The following NAALADL1 variants were observed in gnomAD, a reference collection of about 807,000 sequenced individuals.
NAALADL1 encodes aminopeptidase NAALADL1.
In NAALADL1, 77 loss-of-function variants were observed where a neutral mutation model predicts 82.8. The ratio of observed to expected loss-of-function variants is 0.93; its 90% confidence interval spans 0.77 to 1.12. The LOEUF (loss-of-function observed/expected upper bound fraction) is 1.12, where lower values mean the gene tolerates loss of function less well. Among genes scored for constraint, NAALADL1 ranks in the 50% most tolerant of loss-of-function variants. The pLI is 0.00. For missense variants in NAALADL1, 956 were observed against 964.0 expected, an observed-to-expected ratio of 0.99 and a Z score of 0.11; for synonymous variants, 358 against 399.2, an observed-to-expected ratio of 0.90 and a Z score of 1.23.
chr11:65,045,607 C>T, intron 17 of NAALADL1, 150 bp from the exon 18 acceptor site: 1 of 966,164 alleles, frequency 1.0e-6, no homozygotes, highest in East Asian at 2.6e-5. Context: ...GCTCTTACAG[C>T]AGTGGCGGTC....
At chr11:65,056,563 C>A (rs1947044468) in intron 4 of NAALADL1, among the ~76,000 whole-genome samples, 1 of 151,910 alleles carries the variant, frequency 6.6e-6, no homozygotes, top group Non-Finnish European at 1.5e-5. Context: ...CCACACCCAG[C>A]TAATTTTTGT....
chr11:65,053,151 G>A lies in NAALADL1; in HGVS notation c.1198+67C>T. The A allele has an allele frequency of 6.8e-7, 1 of 1,476,462 alleles. No individual in the cohort carries two copies. Among genetic ancestry groups the A allele is most frequent in the South Asian group, 1.4e-5 (1 of 73,672 alleles). 91.5% of individuals were successfully genotyped at this position (1,476,462 alleles called of 1,614,324 possible). A position where few individuals can be genotyped will look rare whatever the true frequency, so the allele number is the denominator to read the frequency against. On this transcript the variant is annotated intron_variant, in intron 8 of 17. Coordinates refer to ENST00000358658, the MANE Select transcript of NAALADL1 (RefSeq NM_005468.3). The surrounding 1 kb of genome is among the most constrained non-coding windows in gnomAD (Gnocchi z 4.3). ...AAGGAGCACTGCAGTGTGAGGGAGA[G>A]GAGGTGGAACAGGAAGGGGACCTCC...
Position 65,058,134 on chromosome 11 carries a change from G to C in NAALADL1, c.302C>G (p.Thr101Arg), listed in dbSNP as rs781309340. Reference sequence around the variant, plus strand: ...AGGGAAGGACAGCAGCACTTCGTACGTGGAGGCCTCGGCCGAGTCCAGGCC... The same window carrying C: ...AGGGAAGGACAGCAGCACTTCGTACCTGGAGGCCTCGGCCGAGTCCAGGCC... ...ESGLDSAEAS[T>R]YEVLLSFPSQ... Residue 101 changes from threonine (T) to arginine (R), a missense_variant, in exon 2 of 18, where the codon ACG becomes AGG. Thr to Arg is a moderately conservative substitution (Grantham distance 71, BLOSUM62 -1). Coordinates refer to ENST00000358658, the MANE Select transcript of NAALADL1 (RefSeq NM_005468.3). 1.2e-6 allele frequency: 2 copies of C among 1,613,736 alleles called. No homozygotes were observed. The highest frequency in any genetic ancestry group is 1.7e-6 in the Non-Finnish European group (2 of 1,179,862).
At chr11:65,058,574 T>A, upstream of NAALADL1, 1 of 1,462,410 alleles carries the variant, frequency 6.8e-7, no homozygotes, top group Non-Finnish European at 9.1e-7. Context: ...TTATTCCCTA[T>A]AGAGGGGGTG....
At chr11:65,051,298 C>G (rs1381225015) in intron 8 of NAALADL1, among the ~76,000 whole-genome samples, 2 of 141,536 alleles carry the variant, frequency 1.4e-5, no homozygotes, top group African/African-American at 5.3e-5. Context: ...TCAAGTCTCT[C>G]TCTCCTTTCT....
At chr11:65,057,279 C>T in intron 4 of NAALADL1, 92 bp downstream of exon 4, 1 of 1,462,694 alleles carries the variant, frequency 6.8e-7, no homozygotes, top group Non-Finnish European at 9.1e-7. Flanking sequence ...CTCAACACTG[C>T]CTCTTCTCCT....
intron 11 of NAALADL1, 36 bp from the exon 12 acceptor site, chr11:65,047,774 C>A (rs370284376): frequency 2.3e-5 from 36 of 1,556,620 alleles, no homozygotes; most frequent in Non-Finnish European, 3.0e-5. Flanking sequence ...GGTGCGCGGC[C>A]CTCCCCAGCC....
rs776165937 is a variant in NAALADL1 at position 65,054,737 on chromosome 11, G to A, written c.605C>T (p.Ala202Val). ...TACCCCGTGCTTGGCAGCGTTCACAGCCTGCAGTGGGCAGAGGAGGCTGTG... is the reference window on the plus strand; with the variant it reads ...TACCCCGTGCTTGGCAGCGTTCACAACCTGCAGTGGGCAGAGGAGGCTGTG... ...RYGGVGRGAK[A>V]VNAAKHGVAG... is the part of the protein sequence containing the mutation. The change falls in exon 5 of 18, where the codon GCT becomes GTT. Residue 202 changes from alanine to valine, a missense_variant and splice_region_variant. Ala to Val is a moderately conservative substitution (Grantham distance 64, BLOSUM62 0). Transcript: ENST00000358658. The surrounding 1 kb of genome is among the most constrained non-coding windows in gnomAD (Gnocchi z 4.3). 3 of 1,612,920 alleles carry A rather than the reference G, an allele frequency of 1.9e-6. No homozygotes were observed. Among genetic ancestry groups the A allele is most frequent in the Non-Finnish European group, 2.5e-6 (3 of 1,179,498 alleles).
chr11:65,048,920 C>G (rs1946813675), intron 8 of NAALADL1, among the ~76,000 whole-genome samples: 2 of 152,162 alleles, frequency 1.3e-5, no homozygotes, highest in African/African-American at 4.8e-5. Flanking sequence ...GGTATAGGGA[C>G]TGGAGGTGGA....
Position 65,053,100 on chromosome 11 carries a change from G to C in NAALADL1, c.1198+118C>G. 1 of 1,301,968 alleles carries C rather than the reference G, an allele frequency of 7.7e-7. No individual in the cohort carries two copies. The allele number at this position is 1,301,968 out of a possible 1,614,324, so 80.7% of individuals were successfully genotyped here. On this transcript the variant is annotated intron_variant, in intron 8 of 17. Transcript: ENST00000358658. The surrounding 1 kb of genome is among the most constrained non-coding windows in gnomAD (Gnocchi z 4.3). ...GCCAAGGCTGGTGTCATGCATGTCT[G>C]CCCCCAGGGCCCTCAGGCATGGCAC...
Position 65,057,352 on chromosome 11 carries a change from C to G in NAALADL1, c.603+19G>C, listed in dbSNP as rs372058347. On this transcript the variant is annotated intron_variant, in intron 4 of 17. Coordinates refer to ENST00000358658, the MANE Select transcript of NAALADL1 (RefSeq NM_005468.3). ...CCCTTCCTCACCGAGGCCTCCTGCACTGGGGGACTGCCACTCACCTTGGCC... is the reference window on the plus strand; with the variant it reads ...CCCTTCCTCACCGAGGCCTCCTGCAGTGGGGGACTGCCACTCACCTTGGCC... 2.5e-6 allele frequency: 4 copies of G among 1,596,814 alleles called. No individual in the cohort carries two copies. The highest frequency in any genetic ancestry group is 3.4e-6 in the Non-Finnish European group (4 of 1,171,876).
At chr11:65,048,424 C>T (rs769220134) in intron 8 of NAALADL1, 39 bp from the exon 9 acceptor site, 2 of 1,611,420 alleles carry the variant, frequency 1.2e-6, no homozygotes, top group South Asian at 1.1e-5. Flanking sequence ...ACAGGGTCCT[C>T]CTGATCCTAG....
chr11:65,049,395 G>A (rs547213018), intron 8 of NAALADL1, among the ~76,000 whole-genome samples: 75 of 152,278 alleles, frequency 4.9e-4, no homozygotes, highest in African/African-American at 1.7e-3. Context: ...TGCCAAAAAT[G>A]TATAATCTAA....
rs10535126 is a variant in NAALADL1, at chr11:65,051,315, CTTTTTTTTTTTTTTTTTTTTTTTTTTT to C, written c.1198+1876_1198+1902del. On this transcript the variant is annotated intron_variant, in intron 8 of 17. Transcript: ENST00000358658. The stretch of plus-strand genomic sequence containing the variant: ...AAGTCTCTCTCTCCTTTCTTTCTTT[CTTTTTTTTTTTTTTTTTTTTTTTTTTT>C]TTTTTTTTTTTTGAGACAGGGTCCT... Among the ~76,000 whole-genome samples, 82 of 59,574 alleles carry C rather than the reference CTTTTTTTTTTTTTTTTTTTTTTTTTTT, an allele frequency of 1.4e-3. 1 individual carries two copies. In the South Asian group the frequency reaches 0.054, roughly 40 times the overall value. The allele number at this position is 59,574 out of a possible 152,430, so 39.1% of individuals were successfully genotyped here.
At position 65,045,294 on chromosome 11, in the gene NAALADL1, G is replaced by A. The variant is rs749070786; in HGVS notation, c.2200C>T (p.Leu734=). ...VTALEGAAAT[L]RPVADL Reference sequence around the variant, plus strand: ...GGTCAGAGGTCAGCCACAGGCCTCAGGGTGGCTGCCGCACCCTCCAGGGCT... The same window carrying A: ...GGTCAGAGGTCAGCCACAGGCCTCAAGGTGGCTGCCGCACCCTCCAGGGCT... Residue 734 remains leucine, a synonymous_variant, in exon 18 of 18, where the codon CTG becomes TTG. Coordinates refer to ENST00000358658, the MANE Select transcript of NAALADL1 (RefSeq NM_005468.3). The A allele has an allele frequency of 7.3e-5, 117 of 1,608,346 alleles. No homozygotes were observed. Among genetic ancestry groups the A allele is most frequent in the Non-Finnish European group, 9.3e-5 (109 of 1,176,620 alleles).
In NAALADL1 at chr11:65,046,134, G is replaced by C. The variant is rs767066441; in HGVS notation, c.1856-20C>G. 1 of 1,613,980 alleles carries C rather than the reference G, an allele frequency of 6.2e-7. No individual in the cohort carries two copies. Among genetic ancestry groups the C allele is most frequent in the African/African-American group, 1.3e-5 (1 of 74,940 alleles). ...GAGGCCCTGTGAGGAACAAGCAGTGGCTCAGTCATGGGGGTGCAGGGCTCC... is the reference window on the plus strand; with the variant it reads ...GAGGCCCTGTGAGGAACAAGCAGTGCCTCAGTCATGGGGGTGCAGGGCTCC... On this transcript the variant is annotated intron_variant, in intron 15 of 17. Transcript: ENST00000358658.
Position 65,048,033 on chromosome 11 carries a change from C to G in NAALADL1, c.1364G>C (p.Arg455Thr), listed in dbSNP as rs147134787. The G allele has an allele frequency of 8.7e-4, 1,399 of 1,614,002 alleles. 10 individuals carry two copies. In the African/African-American group the frequency reaches 0.014, roughly 16 times the overall value. ...DISVFANATL[R>T]VQGTPPVQSV... ...CTGGACAGGGGGCGTCCCCTGCACC[C>G]TAAGGGTAGCGTTGGCTGTGGGAGG... Residue 455 changes from arginine (R) to threonine (T), a missense_variant, in exon 11 of 18, where the codon AGG (arginine) becomes ACG (threonine). By Grantham distance (71) the Arg-to-Thr change is moderately conservative. Coordinates refer to ENST00000358658, the MANE Select transcript of NAALADL1 (RefSeq NM_005468.3).
chr11:65,053,252 C>T lies in NAALADL1; in HGVS notation c.1164G>A (p.Glu388=). 6.4e-7 allele frequency: 1 copy of T among 1,553,514 alleles called. No homozygotes were observed. The highest frequency in any genetic ancestry group is 1.4e-5 in the African/African-American group (1 of 73,572). Residue 388 remains glutamate (E), a synonymous_variant, in exon 8 of 18, where the codon GAG becomes GAA. Transcript: ENST00000358658. The surrounding 1 kb of genome is among the most constrained non-coding windows in gnomAD (Gnocchi z 4.3). The part of the protein sequence containing the change: ...DPSSGTAVLL[E]LSRVLGTLLK... ...GCAGGGTCCCCAGGACACGGGAGAG[C>T]TCCAGGAGGACGGCGGTGCCACTGC...
Position 65,046,309 on chromosome 11 carries a change from G to A in NAALADL1, c.1735C>T (p.Leu579Phe). Reference protein sequence around the residue: ...ARTAGSVILRLSDSFFLPLKV... With the variant: ...ARTAGSVILRFSDSFFLPLKV... ...AGGGGCAGGAAGAAGCTGTCACTGAGCCGGAGAATCACACTCCCCGCTGTC... is the reference window on the plus strand; with the variant it reads ...AGGGGCAGGAAGAAGCTGTCACTGAACCGGAGAATCACACTCCCCGCTGTC... The change falls in exon 15 of 18, where the codon CTC (leucine) becomes TTC (phenylalanine). Residue 579 changes from leucine to phenylalanine, a missense_variant. By Grantham distance (22) the Leu-to-Phe change is conservative (BLOSUM62 0). Coordinates refer to ENST00000358658, the MANE Select transcript of NAALADL1 (RefSeq NM_005468.3). 1 of 1,614,226 alleles carries A rather than the reference G, an allele frequency of 6.2e-7. No individual in the cohort carries two copies. Among genetic ancestry groups the A allele is most frequent in the Non-Finnish European group, 8.5e-7 (1 of 1,180,038 alleles).
Sources: gnomAD v4.1 joint callset for allele counts (sites outside exome capture counted in the v4.1 genomes callset) on GRCh38, gnomAD v4.1.1 for gene constraint, Gnocchi (gnomAD v3.1) non-coding constraint, MANE v1.5 for transcripts, NCBI Gene and HGNC (gene_info 2026-07-23, HGNC 2026-07-21) for gene names.